NELL1: variants seen among roughly 807,000 people sequenced by gnomAD.
NELL1 encodes the protein neural EGFL like 1, also known as protein kinase C-binding protein NELL1.
A neutral mutation model predicts 107.4 loss-of-function variants in NELL1; 76 were observed. The observed-to-expected ratio is 0.71, with a 90% CI of 0.59 to 0.86. The LOEUF is 0.86. Among genes scored for constraint, NELL1 ranks in the 40% least tolerant of loss-of-function variants. The pLI is 0.00. For synonymous variants in NELL1, 353 were observed against 341.2 expected, an observed-to-expected ratio of 1.03 and a Z score of -0.38; for missense variants, 1,024 against 1,005.5, an observed-to-expected ratio of 1.02 and a Z score of -0.25.
At chr11:21,098,726 T>C (rs567205492) in intron 12 of NELL1, among the ~76,000 whole-genome samples, 4 of 152,288 alleles carry the variant, frequency 2.6e-5, no homozygotes, top group Non-Finnish European at 5.9e-5. Context: ...CCCATTTTTT[T>C]ACTCCAGGTT....
chr11:20,716,090 A>G (rs1519724), intron 2 of NELL1, among the ~76,000 whole-genome samples: 42,675 of 152,200 alleles, frequency 0.28, 6,777 homozygotes, highest in East Asian at 0.48. Flanking sequence ...AATGCAGCCA[A>G]TGTATGAAAT....
At chr11:21,283,659 G>A (rs1268200031) in intron 14 of NELL1, 2 of 159,300 alleles carry the variant, frequency 1.3e-5, no homozygotes, top group African/African-American at 4.8e-5. Flanking sequence ...ACACAAGGAA[G>A]GAGAGAGAAT....
Position 20,885,537 on chromosome 11 carries a change from C to T in NELL1, c.600C>T (p.Phe200=). Residue 200 remains phenylalanine (F), a synonymous_variant, in exon 5 of 20, where the codon TTC becomes TTT. Coordinates refer to ENST00000357134, the MANE Select transcript of NELL1 (RefSeq NM_006157.5). ...AGCGCAACCAAAAGCATGGCTTATT[C>T]AAAGTAAGCACTAACGTTCTTTTTA... is the stretch of plus-strand genomic sequence containing the variant. ...LGQRNQKHGL[F]KGIIQDGKII... The T allele has an allele frequency of 2.5e-6, 4 of 1,585,328 alleles. No homozygotes were observed. The highest frequency in any genetic ancestry group is 3.5e-6 in the Non-Finnish European group (4 of 1,153,846).
intron 12 of NELL1, among the ~76,000 whole-genome samples, chr11:21,044,345 T>C (rs1853306258): frequency 6.6e-6 from 1 of 152,142 alleles, no homozygotes; most frequent in African/African-American, 2.4e-5. Flanking sequence ...GCAGTTTTCA[T>C]AGGAGTGGTG....
chr11:21,573,182 C>G lies in NELL1; in HGVS notation c.2158-3C>G. The G allele has an allele frequency of 6.2e-7, 1 of 1,609,696 alleles. No homozygotes were observed. The highest frequency in any genetic ancestry group is 8.5e-7 in the Non-Finnish European group (1 of 1,176,958). On this transcript the variant is annotated splice_region_variant and splice_polypyrimidine_tract_variant and intron_variant, in intron 18 of 19. Transcript: ENST00000357134. ...TGAGACATTTTTTGCTTTTCCTCTA[C>G]AGGAAGGAGAGGTAGATTGCTGGCC...
At chr11:21,476,795 A>G (rs1319362196) in intron 15 of NELL1, among the ~76,000 whole-genome samples, 1 of 152,104 alleles carries the variant, frequency 6.6e-6, no homozygotes, top group Non-Finnish European at 1.5e-5. Context: ...GTACTTAGGG[A>G]AGGGAGAGCA....
Position 20,976,491 on chromosome 11 carries a change from T to A in NELL1, c.1300+15931T>A, listed in dbSNP as rs551650163. Among the ~76,000 whole-genome samples, 6 of 152,260 alleles carry A rather than the reference T, an allele frequency of 3.9e-5. No individual in the cohort carries two copies. In the South Asian group the frequency reaches 6.2e-4, roughly 16 times the overall value. On this transcript the variant is annotated intron_variant, in intron 12 of 19. Coordinates refer to ENST00000357134, the MANE Select transcript of NELL1 (RefSeq NM_006157.5). The stretch of plus-strand genomic sequence containing the variant: ...GGGTAACTTAAATGTTTCAGCTGTG[T>A]TTACTTACATTTCTTAAAGTTTATT...
At chr11:20,721,960 G>T (rs113317874) in intron 2 of NELL1, among the ~76,000 whole-genome samples, 1 of 152,100 alleles carries the variant, frequency 6.6e-6, no homozygotes, top group East Asian at 1.9e-4. Context: ...TCAAGTTGCA[G>T]CTCTGCCACT....
chr11:20,875,815 C>A (rs12286284), intron 4 of NELL1, among the ~76,000 whole-genome samples: 10,520 of 152,100 alleles, frequency 0.069, 1,155 homozygotes, highest in African/African-American at 0.23. Flanking sequence ...GAAGAAAAAG[C>A]ACCCTTATTA....
At chr11:21,233,073 A>G (rs1478507291) in intron 14 of NELL1, among the ~76,000 whole-genome samples, 2 of 152,236 alleles carry the variant, frequency 1.3e-5, no homozygotes, top group Non-Finnish European at 2.9e-5. Context: ...TATAAGCATT[A>G]CATAAGACAT....
intron 12 of NELL1, among the ~76,000 whole-genome samples, chr11:20,990,280 C>G (rs1851943498): frequency 6.6e-6 from 1 of 152,078 alleles, no homozygotes; most frequent in Admixed American, 6.6e-5. Context: ...TCTAATCACT[C>G]CTCCTTTTTA....
Position 21,302,527 on chromosome 11 carries a change from G to A in NELL1, c.1550-68326G>A, listed in dbSNP as rs1038535643. On this transcript the variant is annotated intron_variant, in intron 14 of 19. Coordinates refer to ENST00000357134, the MANE Select transcript of NELL1 (RefSeq NM_006157.5). ...AACTTAAAAAAGAATCTACATGAAA[G>A]GTGGGCTCATTTATGGAACCAACCC... Among the ~76,000 whole-genome samples, 13 of 151,936 alleles carry A rather than the reference G, an allele frequency of 8.6e-5. 1 individual carries two copies.
chr11:20,998,167 ACT>A (rs1182933764), intron 12 of NELL1, among the ~76,000 whole-genome samples: 2 of 151,460 alleles, frequency 1.3e-5, no homozygotes, highest in East Asian at 1.9e-4. Flanking sequence ...GAAGTGAAAA[ACT>A]CTCATATTTC....
chr11:21,537,721 G>GC (rs1348092535), intron 16 of NELL1, among the ~76,000 whole-genome samples: 3 of 152,064 alleles, frequency 2.0e-5, no homozygotes, highest in Non-Finnish European at 4.4e-5. Context: ...CAAAGAGAAG[G>GC]CATTCAATGC....
intron 13 of NELL1, among the ~76,000 whole-genome samples, chr11:21,210,435 AGTG>A (rs915004927): frequency 1.3e-5 from 2 of 152,130 alleles, no homozygotes; most frequent in African/African-American, 4.8e-5. Context: ...GTGGGTGTGA[AGTG>A]GTATCTCATT....
chr11:21,497,452 A>G (rs1158292455), intron 15 of NELL1, among the ~76,000 whole-genome samples: 2 of 152,148 alleles, frequency 1.3e-5, no homozygotes, highest in Non-Finnish European at 2.9e-5. Context: ...TGACTCTCTT[A>G]TGATCCAGAA....
rs192823933 is a variant in NELL1, at chr11:21,463,687, A to T, written c.1646-70687A>T. On this transcript the variant is annotated intron_variant, in intron 15 of 19. Coordinates refer to ENST00000357134, the MANE Select transcript of NELL1 (RefSeq NM_006157.5). ...TCTGGTGTATCTGGTTACCTGTTTT[A>T]TCTATTGCTGTATAACAAACCACTC... 1.8e-3 allele frequency among the ~76,000 whole-genome samples: 279 copies of T among 152,184 alleles called. 1 individual carries two copies. The highest frequency in any genetic ancestry group is 6.5e-3 in the African/African-American group (268 of 41,550).
chr11:21,377,688 G>A (rs1487305219), intron 15 of NELL1, among the ~76,000 whole-genome samples: 2 of 151,952 alleles, frequency 1.3e-5, no homozygotes, highest in African/African-American at 4.8e-5. Context: ...TTGCATGGTA[G>A]AATTTTATTA....
chr11:21,557,839 T>C (rs1001901681), intron 16 of NELL1, among the ~76,000 whole-genome samples: 3 of 151,982 alleles, frequency 2.0e-5, no homozygotes, highest in African/African-American at 7.2e-5. Flanking sequence ...GTGGATTTCC[T>C]AAGAAAGTTA....
Sources: allele counts gnomAD v4.1 joint callset (sites outside exome capture counted in the v4.1 genomes callset), GRCh38; gene constraint gnomAD v4.1.1; transcripts MANE v1.5; gene names NCBI Gene and HGNC (gene_info 2026-07-23, HGNC 2026-07-21).